The following EIF4G3 variants were observed in gnomAD, a reference collection of about 807,000 sequenced individuals.
The protein encoded by EIF4G3 is eukaryotic translation initiation factor 4 gamma 3, also known as eIF-4-gamma 3.
EIF4G3 carries 34 observed loss-of-function variants against 186.4 expected under a neutral mutation model. The observed-to-expected ratio is 0.18, with a 90% CI of 0.14 to 0.24. EIF4G3 has a LOEUF of 0.24. EIF4G3 is among the 10% of genes least tolerant of loss of function. The pLI, the probability that EIF4G3 is intolerant of heterozygous loss-of-function variation, is 1.00. For missense variants in EIF4G3, 1,536 were observed against 1,948.5 expected (o/e 0.79, Z 3.99); for synonymous variants, 673 against 679.5 (o/e 0.99, Z 0.15).
intron 4 of EIF4G3, among the ~76,000 whole-genome samples, chr1:21,023,415 C>T (rs941375035): frequency 6.6e-5 from 10 of 151,638 alleles, no homozygotes; most frequent in Non-Finnish European, 1.2e-4. Flanking sequence ...ATTGCAGGCA[C>T]GCGCCGCCAT....
At chr1:21,112,707 CA>C (rs1418122702) in intron 2 of EIF4G3, among the ~76,000 whole-genome samples, 2 of 152,200 alleles carry the variant, frequency 1.3e-5, no homozygotes, top group East Asian at 3.9e-4. Context: ...TAGCATTCAG[CA>C]GCATTTCATT....
At chr1:21,028,038 C>A (rs2092352376) in intron 4 of EIF4G3, among the ~76,000 whole-genome samples, 1 of 152,192 alleles carries the variant, frequency 6.6e-6, no homozygotes, top group Non-Finnish European at 1.5e-5. Context: ...CAGGCACAAA[C>A]AACTACTGTA....
chr1:21,152,245 GTGGATTGCTTGAGCC>G (rs1276434467), intron 2 of EIF4G3, among the ~76,000 whole-genome samples: 1 of 148,324 alleles, frequency 6.7e-6, no homozygotes, highest in East Asian at 2.0e-4. Context: ...GCAAAGGCAG[GTGGATTGCTTGAGCC>G]TGGAAGGTCA....
At chr1:21,097,611 A>C (rs1417405681) in intron 2 of EIF4G3, among the ~76,000 whole-genome samples, 1 of 152,226 alleles carries the variant, frequency 6.6e-6, no homozygotes, top group African/African-American at 2.4e-5. Context: ...TGGCAAAAGG[A>C]CATAAAAACA....
chr1:21,040,120 T>G (rs549957975), intron 4 of EIF4G3, among the ~76,000 whole-genome samples: 1 of 152,098 alleles, frequency 6.6e-6, no homozygotes, highest in Non-Finnish European at 1.5e-5. Context: ...ACAGCTAGAG[T>G]TGATCATCAC....
At chr1:20,874,964 A>T (rs1329200520) in intron 20 of EIF4G3, among the ~76,000 whole-genome samples, 1 of 152,118 alleles carries the variant, frequency 6.6e-6, no homozygotes, top group African/African-American at 2.4e-5. Flanking sequence ...GTCAGAAGTC[A>T]GGACAGTGGT....
chr1:21,115,889 T>C (rs567985318), intron 2 of EIF4G3, among the ~76,000 whole-genome samples: 1 of 152,208 alleles, frequency 6.6e-6, no homozygotes, highest in African/African-American at 2.4e-5. Context: ...CAGCTAATTT[T>C]TTTTTAAATT....
intron 27 of EIF4G3, among the ~76,000 whole-genome samples, chr1:20,853,030 G>C (rs2073840457): frequency 6.6e-6 from 1 of 152,044 alleles, no homozygotes; most frequent in Non-Finnish European, 1.5e-5. Context: ...TTCTGAAAGT[G>C]CTTATGTAAA....
intron 4 of EIF4G3, among the ~76,000 whole-genome samples, chr1:21,035,341 C>T (rs2093096967): frequency 6.6e-6 from 1 of 152,208 alleles, no homozygotes; most frequent in Non-Finnish European, 1.5e-5. Flanking sequence ...GGAGTCCCAC[C>T]CCTCCTGAGT....
At chr1:21,098,619 A>G (rs1226819698) in intron 2 of EIF4G3, among the ~76,000 whole-genome samples, 5 of 151,438 alleles carry the variant, frequency 3.3e-5, no homozygotes, top group Non-Finnish European at 2.9e-5. Flanking sequence ...ACAACAAACA[A>G]CCTAATATTT....
In EIF4G3 at chr1:21,176,776, C is replaced by G; in HGVS notation, c.-510G>C. The G allele has an allele frequency of 1.4e-6, 1 of 700,388 alleles. No homozygotes were observed. Among genetic ancestry groups the G allele is most frequent in the Non-Finnish European group, 2.6e-6 (1 of 383,806 alleles). The allele number at this position is 700,388 out of a possible 1,614,324, so 43.4% of individuals were successfully genotyped here. On this transcript the variant is annotated 5_prime_UTR_variant, in exon 1 of 37. Transcript: ENST00000602326. ...GGCGGGGGATCTTTATCCCCCTCCCCGGAGGAAGCGGCGCCCTTCTCGGTA... is the reference window on the plus strand; with the variant it reads ...GGCGGGGGATCTTTATCCCCCTCCCGGGAGGAAGCGGCGCCCTTCTCGGTA...
chr1:21,037,729 A>G (rs995761614), intron 4 of EIF4G3, among the ~76,000 whole-genome samples: 4 of 152,230 alleles, frequency 2.6e-5, no homozygotes. Flanking sequence ...CTTTGCTTGT[A>G]TAAGATCTGA....
At chr1:21,053,758 G>C (rs1283213970) in intron 3 of EIF4G3, among the ~76,000 whole-genome samples, 8 of 147,990 alleles carry the variant, frequency 5.4e-5, no homozygotes, top group African/African-American at 1.8e-4. Context: ...GCCCCATCCG[G>C]GAGGTGAGGG....
At chr1:20,914,073 G>C (rs915091185) in intron 14 of EIF4G3, among the ~76,000 whole-genome samples, 2 of 151,214 alleles carry the variant, frequency 1.3e-5, no homozygotes, top group East Asian at 1.9e-4. Flanking sequence ...CTCCCAAAGT[G>C]CTGGGATTAC....
intron 23 of EIF4G3, among the ~76,000 whole-genome samples, chr1:20,861,446 C>T (rs1323038869): frequency 6.6e-6 from 1 of 152,020 alleles, no homozygotes; most frequent in African/African-American, 2.4e-5. Context: ...ACAGGAAAAA[C>T]GAAAGAGAAG....
At chr1:21,074,117 C>T (rs902728797) in intron 3 of EIF4G3, among the ~76,000 whole-genome samples, 11 of 152,244 alleles carry the variant, frequency 7.2e-5, no homozygotes, top group Admixed American at 5.2e-4. Flanking sequence ...TTTTGCCTAA[C>T]GTTTGAGAAA....
chr1:20,995,677 A>G (rs1310759136), intron 7 of EIF4G3, among the ~76,000 whole-genome samples: 1 of 152,170 alleles, frequency 6.6e-6, no homozygotes, highest in Non-Finnish European at 1.5e-5. Context: ...TGGCCTATTC[A>G]GCAATACTGT....
intron 4 of EIF4G3, among the ~76,000 whole-genome samples, chr1:21,033,632 G>A (rs1437194467): frequency 6.6e-6 from 1 of 152,206 alleles, no homozygotes; most frequent in Non-Finnish European, 1.5e-5. Context: ...ATAGAACTGT[G>A]ATTCACAGCC....
chr1:20,947,371 C>T (rs1037207880), intron 13 of EIF4G3, among the ~76,000 whole-genome samples: 6 of 151,124 alleles, frequency 4.0e-5, no homozygotes, highest in Non-Finnish European at 1.5e-5. Context: ...AAAAAAAAAT[C>T]CTCAGTGTAA....
Sources: gnomAD v4.1 joint callset for allele counts (sites outside exome capture counted in the v4.1 genomes callset) on GRCh38, gnomAD v4.1.1 for gene constraint, MANE v1.5 for transcripts, NCBI Gene and HGNC (gene_info 2026-07-23, HGNC 2026-07-21) for gene names.